BASP1: variants seen among roughly 807,000 people sequenced by gnomAD.
BASP1 encodes the protein brain abundant membrane attached signal protein 1, also known as brain acid soluble protein 1.
In BASP1, 1 loss-of-function variant was observed where a neutral mutation model predicts 2.2. The ratio of observed to expected loss-of-function variants is 0.46; its 90% CI spans 0.16 to 2.17. The LOEUF is 2.17. Among genes scored for constraint, BASP1 ranks in the 30% most tolerant of loss-of-function variants. BASP1 has a pLI of 0.27. For missense variants in BASP1, 352 were observed against 327.2 expected, an observed-to-expected ratio of 1.08 and a Z score of -0.58; for synonymous variants, 187 against 154.2, an observed-to-expected ratio of 1.21 and a Z score of -1.58.
At chr5:17,254,298 T>C (rs997939064) in intron 1 of BASP1, among the ~76,000 whole-genome samples, 3 of 152,192 alleles carry the variant, frequency 2.0e-5, no homozygotes, top group African/African-American at 7.2e-5. Flanking sequence ...TGTGTTCATT[T>C]TTAAAGTGCC....
rs1034836706 is a variant in BASP1 at position 17,230,323 on chromosome 5, A to G, written c.-10+12513A>G. On this transcript the variant is annotated intron_variant, in intron 1 of 1. Transcript: ENST00000322611. ...CTTGAATAGAAGCAAGTGCAGGAAG[A>G]GTGGTGGGGGTTTTGACAGAAAGTT... 5.9e-5 allele frequency among the ~76,000 whole-genome samples: 9 copies of G among 152,244 alleles called. No individual in the cohort carries two copies. In the South Asian group the frequency reaches 6.2e-4, roughly 11 times the overall value.
At chr5:17,234,811 A>G (rs1322341467) in intron 1 of BASP1, among the ~76,000 whole-genome samples, 4 of 152,224 alleles carry the variant, frequency 2.6e-5, no homozygotes, top group Admixed American at 6.5e-5. Flanking sequence ...GATCAATTAT[A>G]TTCTTTTTCT....
At position 17,260,196 on chromosome 5, in the gene BASP1, C is replaced by A. The variant is rs1259302034; in HGVS notation, c.-9-15012C>A. ...AGACTATTGACGAGAATGAATAATG[C>A]ATGTTTCCTGATAGTGTTTGCTACA... On this transcript the variant is annotated intron_variant, in intron 1 of 1. Transcript: ENST00000322611. The surrounding 1 kb of genome is among the most constrained non-coding windows in gnomAD (Gnocchi z 4.2). Among the ~76,000 whole-genome samples the A allele has an allele frequency of 6.6e-6, 1 of 152,124 alleles. No individual in the cohort carries two copies. The highest frequency in any genetic ancestry group is 1.5e-5 in the Non-Finnish European group (1 of 68,016).
chr5:17,225,153 TC>T (rs1044024512), intron 1 of BASP1, among the ~76,000 whole-genome samples: 2 of 152,270 alleles, frequency 1.3e-5, no homozygotes, highest in Admixed American at 6.5e-5. Flanking sequence ...AAAGCCTCAC[TC>T]CTGCTGCCCC....
chr5:17,238,245 T>G (rs979146944), intron 1 of BASP1, among the ~76,000 whole-genome samples: 1 of 152,296 alleles, frequency 6.6e-6, no homozygotes, highest in South Asian at 2.1e-4. Flanking sequence ...TCAGCTGTCT[T>G]ATGCAGGAAA....
chr5:17,274,173 C>T (rs891797575), intron 1 of BASP1, among the ~76,000 whole-genome samples: 8 of 152,066 alleles, frequency 5.3e-5, no homozygotes, highest in African/African-American at 1.7e-4. Flanking sequence ...GACCATTGAA[C>T]GTGCATGTAT....
intron 1 of BASP1, among the ~76,000 whole-genome samples, chr5:17,228,246 T>G (rs1712356477): frequency 6.6e-6 from 1 of 152,222 alleles, no homozygotes; most frequent in African/African-American, 2.4e-5. Context: ...AGCCTGGGCT[T>G]TGATTTCATC....
At position 17,275,824 on chromosome 5, in the gene BASP1, C is replaced by T. The variant is rs1740641655; in HGVS notation, c.608C>T (p.Ala203Val). Reference sequence around the variant, plus strand: ...TCCACACCCAAGGCCCAGGGCCCCGCAGCCTCTGCAGAAGAGCCCAAGCCG... The same window carrying T: ...TCCACACCCAAGGCCCAGGGCCCCGTAGCCTCTGCAGAAGAGCCCAAGCCG... The part of the protein sequence containing the change: ...PSSTPKAQGP[A>V]ASAEEPKPVE... The change falls in exon 2 of 2, where the codon GCA becomes GTA. Residue 203 changes from alanine to valine, a missense_variant. Physicochemically the swap from Ala to Val is moderately conservative, Grantham distance 64. Transcript: ENST00000322611. The surrounding 1 kb of genome is among the most constrained non-coding windows in gnomAD (Gnocchi z 5.3). The T allele has an allele frequency of 6.2e-7, 1 of 1,611,838 alleles. No homozygotes were observed. The highest frequency in any genetic ancestry group is 1.7e-5 in the Admixed American group (1 of 59,762).
At chr5:17,267,899 A>C (rs1230667890) in intron 1 of BASP1, among the ~76,000 whole-genome samples, 2 of 143,416 alleles carry the variant, frequency 1.4e-5, no homozygotes, top group African/African-American at 5.2e-5. Context: ...GAAATGACGT[A>C]TGAAGACATC....
chr5:17,225,164 C>A (rs1739471676), intron 1 of BASP1, among the ~76,000 whole-genome samples: 2 of 152,308 alleles, frequency 1.3e-5, no homozygotes, highest in South Asian at 4.1e-4. Context: ...CCTGCTGCCC[C>A]TCTCTTCTGA....
chr5:17,218,186 G>A (rs997632600), intron 1 of BASP1, among the ~76,000 whole-genome samples: 1 of 151,660 alleles, frequency 6.6e-6, no homozygotes, highest in Admixed American at 6.6e-5. Context: ...ACGGTTCTGT[G>A]GGCTGAAGGG....
chr5:17,250,547 G>C (rs1211620467), intron 1 of BASP1, among the ~76,000 whole-genome samples: 1 of 152,164 alleles, frequency 6.6e-6, no homozygotes, highest in Non-Finnish European at 1.5e-5. Context: ...TGATCATAGG[G>C]GAAGGGGTCG....
chr5:17,243,446 G>A (rs1430161404), intron 1 of BASP1, among the ~76,000 whole-genome samples: 2 of 152,094 alleles, frequency 1.3e-5, no homozygotes, highest in Non-Finnish European at 2.9e-5. Context: ...GAGCCACCAC[G>A]CCCGGCTCCC....
chr5:17,223,207 C>T (rs1240274174), intron 1 of BASP1, among the ~76,000 whole-genome samples: 4 of 152,012 alleles, frequency 2.6e-5, no homozygotes, highest in Admixed American at 6.6e-5. Context: ...GCACCAGGTT[C>T]GAATCTTCTC....
chr5:17,221,178 CA>C (rs1251551816), intron 1 of BASP1, among the ~76,000 whole-genome samples: 2 of 152,158 alleles, frequency 1.3e-5, no homozygotes, highest in African/African-American at 2.4e-5. Flanking sequence ...GAAAGCCTAG[CA>C]AGTCTATTAA....
intron 1 of BASP1, among the ~76,000 whole-genome samples, chr5:17,269,938 C>T (rs1172756532): frequency 3.3e-5 from 5 of 152,128 alleles, no homozygotes; most frequent in African/African-American, 9.7e-5. Context: ...TCTCTTGTTT[C>T]CTTGGACCAA....
At chr5:17,271,552 G>A (rs540144023) in intron 1 of BASP1, among the ~76,000 whole-genome samples, 1 of 152,292 alleles carries the variant, frequency 6.6e-6, no homozygotes, top group East Asian at 1.9e-4. Context: ...TTTTGTTGCT[G>A]TGCTACAAAA....
intron 1 of BASP1, among the ~76,000 whole-genome samples, chr5:17,243,788 C>T (rs1470023937): frequency 6.6e-6 from 1 of 152,154 alleles, no homozygotes; most frequent in African/African-American, 2.4e-5. Flanking sequence ...CTCTATGCCT[C>T]CAGACCCTGG....
At chr5:17,243,443 C>A (rs923277405) in intron 1 of BASP1, among the ~76,000 whole-genome samples, 10 of 152,122 alleles carry the variant, frequency 6.6e-5, no homozygotes, top group South Asian at 2.1e-4. Flanking sequence ...CATGAGCCAC[C>A]ACGCCCGGCT....
Sources: gnomAD v4.1 joint callset for allele counts (sites outside exome capture counted in the v4.1 genomes callset) on GRCh38, gnomAD v4.1.1 for gene constraint, Gnocchi (gnomAD v3.1) non-coding constraint, MANE v1.5 for transcripts, NCBI Gene and HGNC (gene_info 2026-07-23, HGNC 2026-07-21) for gene names.